LRRC37B: variants seen among roughly 807,000 people sequenced by gnomAD.
LRRC37B encodes the protein leucine rich repeat containing 37B, also known as leucine-rich repeat-containing protein 37B.
In LRRC37B, 28 loss-of-function variants were observed where a neutral mutation model predicts 98.3. That is an observed-to-expected ratio of 0.28 (90% confidence interval 0.21 to 0.39). LRRC37B has a LOEUF of 0.39. Among genes scored for constraint, LRRC37B ranks in the 10% least tolerant of loss-of-function variants. LRRC37B has a pLI of 1.00. For synonymous variants in LRRC37B, 364 were observed against 442.7 expected (o/e 0.82, Z 2.23); for missense variants, 938 against 1,182.7 (o/e 0.79, Z 3.03).
At chr17:32,031,344 T>G in intron 4 of LRRC37B, 34 bp from the exon 8 acceptor site, 16 of 1,598,496 alleles carry the variant, frequency 1.0e-5, no homozygotes, top group Non-Finnish European at 1.4e-5. Flanking sequence ...CTGAAATAAT[T>G]TTTTTTTCCT....
exon 1 of LRRC37B, chr17:32,021,181 T>C: frequency 6.2e-7 from 1 of 1,613,422 alleles, no homozygotes; most frequent in Non-Finnish European, 8.5e-7. Flanking sequence ...CCATGGCCCC[T>C]CCTTACGTGG....
chr17:32,033,321 A>G (rs1598208201), intron 5 of LRRC37B, among the ~76,000 whole-genome samples: 1 of 111,776 alleles, frequency 8.9e-6, no homozygotes. Context: ...GAAGGAAGGG[A>G]GGAAGGGAGG....
At chr17:32,039,223 G>A (rs1175960646) in intron 7 of LRRC37B, among the ~76,000 whole-genome samples, 6 of 150,920 alleles carry the variant, frequency 4.0e-5, no homozygotes, top group Non-Finnish European at 7.4e-5. Context: ...GTGATCCTCC[G>A]GCCTCGTTCT....
Position 32,049,184 on chromosome 17 carries a change from T to A in LRRC37B, c.2547T>A (p.Val849=), listed in dbSNP as rs750157098. 1.9e-6 allele frequency: 3 copies of A among 1,614,128 alleles called. No individual in the cohort carries two copies. The South Asian group carries it at 3.3e-5, about 18-fold the overall frequency. The stretch of plus-strand genomic sequence containing the variant: ...ATGTGAGAAAGTTCATGTCTCATGT[T>A]ATCCGGACCTTGAAAATGGAATGTT... The change falls in exon 10 of 12, where the codon GTT becomes GTA. Residue 849 remains valine (V), a synonymous_variant. Coordinates refer to ENST00000327564, the Ensembl canonical transcript of LRRC37B.
chr17:32,044,831 A>AG (rs1911531019), intron 7 of LRRC37B, among the ~76,000 whole-genome samples: 1 of 152,246 alleles, frequency 6.6e-6, no homozygotes, highest in Non-Finnish European at 1.5e-5. Flanking sequence ...TCGAGGCTGC[A>AG]GTTAGCTATG....
At chr17:32,045,507 A>C (rs1911546503) in intron 7 of LRRC37B, 193 bp from the exon 11 acceptor site, 1 of 593,174 alleles carries the variant, frequency 1.7e-6, no homozygotes, top group South Asian at 1.9e-5. Context: ...TACCATACTC[A>C]CTGCCATGCT....
chr17:32,040,759 A>G (rs1200805236), intron 7 of LRRC37B: 5 of 822,664 alleles, frequency 6.1e-6, no homozygotes, highest in Admixed American at 5.2e-5. Flanking sequence ...AACTTCAGTG[A>G]CGCACTGCTG....
chr17:32,040,589 C>T (rs1911396542), intron 7 of LRRC37B: 4 of 770,800 alleles, frequency 5.2e-6, no homozygotes, highest in Admixed American at 1.7e-5. Flanking sequence ...CAAGGACCAT[C>T]AAGTACCTGC....
At chr17:32,026,439 A>AT (rs1318877796) in intron 2 of LRRC37B, among the ~76,000 whole-genome samples, 1 of 151,908 alleles carries the variant, frequency 6.6e-6, no homozygotes, top group Non-Finnish European at 1.5e-5. Context: ...TGCTTTATTT[A>AT]TTTTTCGAGA....
At chr17:32,007,672 G>A (rs1056806803), upstream of LRRC37B, among the ~76,000 whole-genome samples, 1 of 151,212 alleles carries the variant, frequency 6.6e-6, no homozygotes, top group Non-Finnish European at 1.5e-5. The surrounding 1 kb of genome is among the most constrained non-coding windows in gnomAD (Gnocchi z 4.1). Flanking sequence ...GCTGCGCCCC[G>A]GCCCCGCCGC....
At chr17:32,021,567 G>A (rs755937519) in exon 1 of LRRC37B, 9 of 1,614,050 alleles carry the variant, frequency 5.6e-6, no homozygotes, top group African/African-American at 1.3e-5. Context: ...TCTCAACCGG[G>A]ATCAGAACCA....
chr17:32,026,738 T>C (rs992447924), intron 2 of LRRC37B, among the ~76,000 whole-genome samples: 5 of 152,198 alleles, frequency 3.3e-5, no homozygotes, highest in African/African-American at 1.2e-4. Context: ...CAGGACTACA[T>C]TTTAAAAGCA....
intron 1 of LRRC37B, among the ~76,000 whole-genome samples, chr17:32,009,521 C>T (rs1387148429): frequency 6.6e-6 from 1 of 152,188 alleles, no homozygotes; most frequent in Non-Finnish European, 1.5e-5. Context: ...CGATCTGCTG[C>T]CTCGGCCTCC....
intron 1 of LRRC37B, among the ~76,000 whole-genome samples, chr17:32,010,815 A>G (rs1910508280): frequency 6.6e-6 from 1 of 152,146 alleles, no homozygotes; most frequent in Non-Finnish European, 1.5e-5. Context: ...CCCAGTAACC[A>G]TCATTCTACT....
chr17:32,022,344 C>G, exon 1 of LRRC37B: 7 of 1,613,962 alleles, frequency 4.3e-6, no homozygotes, highest in Non-Finnish European at 5.9e-6. Flanking sequence ...GACACTTCCA[C>G]CTTCAGACAA....
chr17:32,020,076 C>T (rs138651386), upstream of LRRC37B, among the ~76,000 whole-genome samples: 9 of 152,236 alleles, frequency 5.9e-5, no homozygotes, highest in Non-Finnish European at 1.2e-4. Context: ...AACTTCTGAC[C>T]TCAGTGATCC....
chr17:32,047,954 C>T, intron 9 of LRRC37B, 53 bp downstream of exon 12: 3 of 1,613,976 alleles, frequency 1.9e-6, no homozygotes, highest in Non-Finnish European at 2.5e-6. Context: ...CACTAAGTTA[C>T]ATCTTGCCTT....
exon 1 of LRRC37B, chr17:32,021,562 A>T (rs144030936): frequency 4.3e-6 from 7 of 1,614,008 alleles, no homozygotes; most frequent in South Asian, 1.1e-5. Context: ...CCGCTTCTCA[A>T]CCGGGATCAG....
chr17:32,014,111 A>G (rs1293322573), intron 1 of LRRC37B, among the ~76,000 whole-genome samples: 4 of 152,216 alleles, frequency 2.6e-5, no homozygotes, highest in African/African-American at 4.8e-5. Context: ...CCAGTTATGT[A>G]TTTCAACTGC....
Sources: gnomAD v4.1 joint callset for allele counts (sites outside exome capture counted in the v4.1 genomes callset) on GRCh38, gnomAD v4.1.1 for gene constraint, Gnocchi (gnomAD v3.1) non-coding constraint, MANE v1.5 for transcripts, NCBI Gene and HGNC (gene_info 2026-07-23, HGNC 2026-07-21) for gene names.